ATAD2B: variants seen among roughly 807,000 people sequenced by gnomAD.
The protein encoded by ATAD2B is ATPase family AAA domain containing 2B, also known as ATPase family AAA domain-containing protein 2B.
In ATAD2B, 40 loss-of-function variants were observed where a neutral mutation model predicts 167.6. That is an observed-to-expected ratio of 0.24 (90% confidence interval 0.19 to 0.31). ATAD2B has a LOEUF of 0.31. ATAD2B is among the 10% of genes least tolerant of loss of function. The probability of loss-of-function intolerance (pLI) is 1.00; values close to 1 mark genes in which losing one functional copy is unlikely to be tolerated. For missense variants in ATAD2B, 1,242 were observed against 1,757.2 expected (o/e 0.71, Z 5.24); for synonymous variants, 579 against 596.5 (o/e 0.97, Z 0.43).
the ATAD2B span, chr2:23,706,690 CTG>C: frequency 2.7e-6 from 4 of 1,471,978 alleles, no homozygotes; most frequent in South Asian, 4.0e-5. Flanking sequence ...CACGATAAGA[CTG>C]TGGACAAGTC....
chr2:23,766,925 A>AG (rs1314319830), intron 22 of ATAD2B, among the ~76,000 whole-genome samples: 1 of 151,582 alleles, frequency 6.6e-6, no homozygotes, highest in Non-Finnish European at 1.5e-5. Context: ...GGGGGGAAAA[A>AG]AAAAAAAACA....
At chr2:23,714,055 G>A in the ATAD2B span, among the ~76,000 whole-genome samples, 1,104 of 152,054 alleles carry the variant, frequency 7.3e-3, 19 homozygotes, top group African/African-American at 0.025. Context: ...TTTTCCCACC[G>A]TATTTGGCCA....
rs758882999 is a variant in ATAD2B, at chr2:23,895,806, T to A, written c.368+13A>T. Reference sequence around the variant, plus strand: ...ATTTAAGAAAAAACAATCAATGAGTTCTCCTTTCTCACCTGGCCTGTCCAG... The same window carrying A: ...ATTTAAGAAAAAACAATCAATGAGTACTCCTTTCTCACCTGGCCTGTCCAG... On this transcript the variant is annotated intron_variant, in intron 2 of 27. Transcript: ENST00000238789. 6.3e-7 allele frequency: 1 copy of A among 1,581,840 alleles called. No homozygotes were observed. The highest frequency in any genetic ancestry group is 8.6e-7 in the Non-Finnish European group (1 of 1,162,182).
In ATAD2B at chr2:23,830,378, C is replaced by T. The variant is rs549506742; in HGVS notation, c.1729-1439G>A. ...CGGTAAGATCAGAATTTTGTTTTCA[C>T]ATCTGCACTCTTTGGAGAAAATTAC... On this transcript the variant is annotated intron_variant, in intron 14 of 27. Coordinates refer to ENST00000238789, the MANE Select transcript of ATAD2B (RefSeq NM_017552.4). Among the ~76,000 whole-genome samples, 18 of 152,338 alleles carry T rather than the reference C, an allele frequency of 1.2e-4. No homozygotes were observed. In the South Asian group the frequency reaches 3.7e-3, roughly 32 times the overall value.
At chr2:23,899,281 G>A (rs2150390827) in intron 1 of ATAD2B, among the ~76,000 whole-genome samples, 1 of 139,020 alleles carries the variant, frequency 7.2e-6, no homozygotes, top group Non-Finnish European at 1.5e-5. Flanking sequence ...CCAAGCCTGG[G>A]CGAAAGAGCA....
chr2:23,897,053 C>T (rs191453890), intron 1 of ATAD2B, among the ~76,000 whole-genome samples: 53 of 152,216 alleles, frequency 3.5e-4, no homozygotes, highest in South Asian at 1.0e-3. Flanking sequence ...TCACTCAAAC[C>T]CAGGAGGTGG....
At chr2:23,760,278 A>G (rs1262041008) in intron 24 of ATAD2B, among the ~76,000 whole-genome samples, 3 of 152,210 alleles carry the variant, frequency 2.0e-5, no homozygotes, top group Non-Finnish European at 2.9e-5. Flanking sequence ...CTCCACAAGA[A>G]GAGATTTTTG....
At chr2:23,770,954 C>T (rs1194732822) in intron 22 of ATAD2B, among the ~76,000 whole-genome samples, 1 of 152,162 alleles carries the variant, frequency 6.6e-6, no homozygotes, top group African/African-American at 2.4e-5. Context: ...GTTGAGTCTT[C>T]CAATCCATAA....
the ATAD2B span, among the ~76,000 whole-genome samples, chr2:23,684,158 GGTT>G: frequency 6.6e-6 from 1 of 151,844 alleles, no homozygotes; most frequent in Non-Finnish European, 1.5e-5. The surrounding 1 kb of genome is among the most constrained non-coding windows in gnomAD (Gnocchi z 4.4). Flanking sequence ...TATCATATTT[GGTT>G]TTTTTGCTTT....
At chr2:23,752,414 A>C (rs1675454021) in intron 27 of ATAD2B, among the ~76,000 whole-genome samples, 1 of 151,276 alleles carries the variant, frequency 6.6e-6, no homozygotes, top group Admixed American at 6.6e-5. Flanking sequence ...TTAATGAGTA[A>C]GTTATTATGC....
chr2:23,818,440 C>T (rs903445918), intron 17 of ATAD2B, among the ~76,000 whole-genome samples: 18 of 146,652 alleles, frequency 1.2e-4, no homozygotes, highest in African/African-American at 4.3e-4. Flanking sequence ...CTGGAATAGC[C>T]TATAAAAAAA....
intron 4 of ATAD2B, 89 bp from the exon 5 acceptor site, chr2:23,885,918 C>G (rs1348721685): frequency 8.0e-6 from 6 of 747,048 alleles, no homozygotes; most frequent in Admixed American, 6.4e-5. Context: ...CAAATCATCT[C>G]TGATGTGTAA....
chr2:23,696,400 C>T, the ATAD2B span: 1 of 1,551,510 alleles, frequency 6.4e-7, no homozygotes, highest in Non-Finnish European at 8.7e-7. This position sits in a 1 kb window ranked among gnomAD's most constrained non-coding sequence, Gnocchi z 5.5. Context: ...ATAACTGGAA[C>T]CTCGTCTCCA....
chr2:23,848,735 G>A (rs909738643), intron 13 of ATAD2B, among the ~76,000 whole-genome samples: 1 of 152,104 alleles, frequency 6.6e-6, no homozygotes, highest in Non-Finnish European at 1.5e-5. Flanking sequence ...TGGAACAATA[G>A]GAAAAGGGAA....
chr2:23,827,347 A>G (rs1324337951), intron 15 of ATAD2B, among the ~76,000 whole-genome samples: 1 of 152,206 alleles, frequency 6.6e-6, no homozygotes, highest in African/African-American at 2.4e-5. Flanking sequence ...AAAAATGAGA[A>G]GTATTGTCTT....
chr2:23,771,654 T>G (rs1678345345), intron 22 of ATAD2B, among the ~76,000 whole-genome samples: 1 of 152,200 alleles, frequency 6.6e-6, no homozygotes, highest in Non-Finnish European at 1.5e-5. Flanking sequence ...TTTTCCTCTT[T>G]TTCTCACTTC....
chr2:23,759,896 C>T (rs1247182346), intron 24 of ATAD2B, among the ~76,000 whole-genome samples: 1 of 152,238 alleles, frequency 6.6e-6, no homozygotes, highest in Non-Finnish European at 1.5e-5. Context: ...TGCTCTGACT[C>T]TGCAAGTTAG....
At chr2:23,875,793 C>A (rs1443712884) in intron 8 of ATAD2B, 36 bp downstream of exon 8, 1 of 1,398,404 alleles carries the variant, frequency 7.2e-7, no homozygotes, top group Non-Finnish European at 1.0e-6. Flanking sequence ...CTCTCATTGA[C>A]AAATGCAAAT....
the ATAD2B span, chr2:23,703,463 C>T: frequency 8.0e-7 from 1 of 1,248,074 alleles, no homozygotes; most frequent in Non-Finnish European, 1.1e-6. Flanking sequence ...GCCCAGAAGT[C>T]AGGCTAAGCC....
Sources: gnomAD v4.1 joint callset for allele counts (sites outside exome capture counted in the v4.1 genomes callset) on GRCh38, gnomAD v4.1.1 for gene constraint, Gnocchi (gnomAD v3.1) non-coding constraint, MANE v1.5 for transcripts, NCBI Gene and HGNC (gene_info 2026-07-23, HGNC 2026-07-21) for gene names.